RNF6: variants seen among roughly 807,000 people sequenced by gnomAD.
The protein encoded by RNF6 is ring finger protein 6.
Under a neutral mutation model 50.1 loss-of-function variants are expected in RNF6, and 21 were observed. The ratio of observed to expected loss-of-function variants is 0.42; its 90% CI spans 0.30 to 0.60. The LOEUF (loss-of-function observed/expected upper bound fraction) is 0.60. Ranked by LOEUF, RNF6 falls within the 20% of genes least tolerant of loss-of-function variation. The probability of loss-of-function intolerance (pLI) is 0.20; values close to 1 mark genes in which losing one functional copy is unlikely to be tolerated. For synonymous variants in RNF6, 255 were observed against 291.8 expected, an observed-to-expected ratio of 0.87 and a Z score of 1.29; for missense variants, 698 against 838.2, an observed-to-expected ratio of 0.83 and a Z score of 2.07.
chr13:26,209,605 T>G (rs1466280048), downstream of RNF6, among the ~76,000 whole-genome samples: 2 of 152,194 alleles, frequency 1.3e-5, no homozygotes, highest in African/African-American at 4.8e-5. Context: ...AAACCTGAAC[T>G]CAGAGGGGCT....
intron 5 of RNF6, among the ~76,000 whole-genome samples, chr13:26,177,754 C>T (rs138037036): frequency 3.9e-5 from 6 of 152,264 alleles, no homozygotes; most frequent in Non-Finnish European, 5.9e-5. Context: ...TCTACCATCT[C>T]TGCCAAAAGG....
At chr13:26,197,784 G>C (rs1868729955) in intron 5 of RNF6, among the ~76,000 whole-genome samples, 1 of 151,856 alleles carries the variant, frequency 6.6e-6, no homozygotes, top group Non-Finnish European at 1.5e-5. Context: ...CCAGCACTTT[G>C]GGAGGCCGAG....
At chr13:26,197,331 C>T (rs1009776497) in intron 5 of RNF6, among the ~76,000 whole-genome samples, 2 of 151,904 alleles carry the variant, frequency 1.3e-5, no homozygotes, top group Non-Finnish European at 2.9e-5. Flanking sequence ...TTTTCTCTGC[C>T]CATTTGGGAT....
intron 5 of RNF6, among the ~76,000 whole-genome samples, chr13:26,177,727 T>C (rs1169803569): frequency 2.0e-5 from 3 of 152,172 alleles, no homozygotes; most frequent in African/African-American, 7.2e-5. Context: ...AACGATTTCC[T>C]CCTAAATATT....
chr13:26,215,013 G>C lies in RNF6; in HGVS notation c.869C>G (p.Thr290Arg). Residue 290 changes from threonine (T) to arginine (R), a missense_variant, in exon 5 of 5, where the codon ACA (threonine) becomes AGA (arginine). Transcript: ENST00000381588. ...VWENGARSNV[T>R]VRNTNQRLEP... ...TAATCTTTGGTTTGTATTCCTCACT[G>C]TAACATTACTTCTAGCCCCATTTTC... The C allele has an allele frequency of 1.9e-6, 3 of 1,614,186 alleles. No homozygotes were observed. In the South Asian group the frequency reaches 3.3e-5, roughly 18 times the overall value.
intron 5 of RNF6, among the ~76,000 whole-genome samples, chr13:26,200,119 G>T (rs763908869): frequency 2.0e-5 from 3 of 152,140 alleles, no homozygotes; most frequent in East Asian, 1.9e-4. Flanking sequence ...AGAACTGTAA[G>T]AAATAAATAT....
chr13:26,163,289 G>A (rs111980610), intron 5 of RNF6, among the ~76,000 whole-genome samples: 5,525 of 151,386 alleles, frequency 0.036, 105 homozygotes, highest in Non-Finnish European at 0.046. Context: ...TCCAGCCTGG[G>A]AGACAGAGAG....
intron 5 of RNF6, among the ~76,000 whole-genome samples, chr13:26,183,216 G>A (rs1051394182): frequency 1.3e-5 from 2 of 152,164 alleles, no homozygotes; most frequent in Admixed American, 6.5e-5. Context: ...AACTACAATA[G>A]TATCATTCAG....
At chr13:26,158,065 T>C (rs1872033196) in intron 5 of RNF6, among the ~76,000 whole-genome samples, 1 of 151,862 alleles carries the variant, frequency 6.6e-6, no homozygotes, top group African/African-American at 2.4e-5. Flanking sequence ...AATGGATGAA[T>C]AGATGAAACA....
At chr13:26,179,494 G>A (rs1873131054) in intron 5 of RNF6, among the ~76,000 whole-genome samples, 2 of 152,172 alleles carry the variant, frequency 1.3e-5, no homozygotes, top group Non-Finnish European at 2.9e-5. Flanking sequence ...CTGAGTACAA[G>A]CATTGCAGGA....
At chr13:26,212,232 T>A (rs1393271100), downstream of RNF6, among the ~76,000 whole-genome samples, 3 of 152,182 alleles carry the variant, frequency 2.0e-5, no homozygotes, top group Admixed American at 1.3e-4. Context: ...AACATCTCTA[T>A]AAGGTAAGAT....
intron 5 of RNF6, among the ~76,000 whole-genome samples, chr13:26,154,495 A>G (rs1282417425): frequency 1.3e-5 from 2 of 152,204 alleles, no homozygotes; most frequent in Admixed American, 1.3e-4. Context: ...ACCATCTTTT[A>G]TTTCACTAAT....
At chr13:26,163,261 G>T (rs1234275746) in intron 5 of RNF6, among the ~76,000 whole-genome samples, 2 of 151,496 alleles carry the variant, frequency 1.3e-5, no homozygotes, top group African/African-American at 4.9e-5. Context: ...GCAGTGAGTC[G>T]AGATCGCGCC....
intron 5 of RNF6, among the ~76,000 whole-genome samples, chr13:26,164,660 T>G (rs1156262665): frequency 6.6e-6 from 1 of 152,204 alleles, no homozygotes; most frequent in Non-Finnish European, 1.5e-5. Flanking sequence ...CTGATAATTC[T>G]GCTACCTAAA....
intron 5 of RNF6, among the ~76,000 whole-genome samples, chr13:26,199,304 CA>C (rs1398544115): frequency 1.3e-5 from 2 of 152,118 alleles, no homozygotes; most frequent in African/African-American, 2.4e-5. Context: ...GCTGCTGGTA[CA>C]AATGGATATC....
chr13:26,214,566 C>A lies in RNF6; in HGVS notation c.1316G>T (p.Gly439Val). The stretch of plus-strand genomic sequence containing the variant: ...ACGAGAAATGGTTCGGCGAAAGCCC[C>A]CACTATTGCTTTCAATAGTGACTGT... ...ENTVTIESNS[G>V]GFRRTISRLE... is the part of the protein sequence containing the mutation. Residue 439 changes from glycine to valine, a missense_variant, in exon 5 of 5, where the codon GGG (glycine) becomes GTG (valine). Physicochemically the swap from Gly to Val is moderately radical, Grantham distance 109. Transcript: ENST00000381588. 2 of 1,614,156 alleles carry A rather than the reference C, an allele frequency of 1.2e-6. No homozygotes were observed. The highest frequency in any genetic ancestry group is 8.5e-7 in the Non-Finnish European group (1 of 1,180,022).
chr13:26,211,005 C>T (rs1869298882), downstream of RNF6, among the ~76,000 whole-genome samples: 1 of 152,178 alleles, frequency 6.6e-6, no homozygotes, highest in Non-Finnish European at 1.5e-5. Context: ...ACGGACCTGA[C>T]ATGGAACATA....
At chr13:26,191,380 A>G (rs1253582372) in intron 5 of RNF6, among the ~76,000 whole-genome samples, 1 of 152,206 alleles carries the variant, frequency 6.6e-6, no homozygotes, top group African/African-American at 2.4e-5. Context: ...TGTGGAGCCT[A>G]CATTCTAGTG....
At chr13:26,173,480 G>A (rs1872799233) in intron 5 of RNF6, among the ~76,000 whole-genome samples, 1 of 152,024 alleles carries the variant, frequency 6.6e-6, no homozygotes, top group African/African-American at 2.4e-5. Flanking sequence ...GTACTCTATT[G>A]AGTCATTTTT....
Sources: gnomAD v4.1 joint callset for allele counts (sites outside exome capture counted in the v4.1 genomes callset) on GRCh38, gnomAD v4.1.1 for gene constraint, MANE v1.5 for transcripts, NCBI Gene and HGNC (gene_info 2026-07-23, HGNC 2026-07-21) for gene names.